Variants in RBBP4 observed in about 807,000 individuals in gnomAD.
The protein encoded by RBBP4 is RB binding protein 4, chromatin remodeling factor.
RBBP4 carries 3 observed loss-of-function variants against 57.2 expected under a neutral mutation model. That is an observed-to-expected ratio of 0.05 (90% CI 0.02 to 0.14). The LOEUF is 0.14. Among genes scored for constraint, RBBP4 ranks in the 10% least tolerant of loss-of-function variants. The pLI, the probability that RBBP4 is intolerant of heterozygous loss-of-function variation, is 1.00. For synonymous variants in RBBP4, 151 were observed against 171.5 expected (o/e 0.88, Z 0.93); for missense variants, 107 against 520.6 (o/e 0.21, Z 7.73).
chr1:32,659,833 T>A (rs1472078664), intron 3 of RBBP4, among the ~76,000 whole-genome samples: 1 of 152,212 alleles, frequency 6.6e-6, no homozygotes, highest in South Asian at 2.1e-4. Context: ...AACTATTCCT[T>A]ACTGATAGAC....
At chr1:32,672,598 A>C in intron 9 of RBBP4, 44 bp from the exon 10 acceptor site, 1 of 1,603,822 alleles carries the variant, frequency 6.2e-7, no homozygotes. Flanking sequence ...GTAGTTACTA[A>C]GGGTAAATCT....
rs1040717572 is a variant in RBBP4, at chr1:32,680,341, T to G, written c.*636T>G. On this transcript the variant is annotated 3_prime_UTR_variant, in exon 12 of 12. Coordinates refer to ENST00000373493, the MANE Select transcript of RBBP4 (RefSeq NM_005610.3). ...TATTTCCTGTCTGTGAAATGGTGTTTTTTTTTTTGTTGTTGGTTTTTTTTT... is the reference window on the plus strand; with the variant it reads ...TATTTCCTGTCTGTGAAATGGTGTTGTTTTTTTTGTTGTTGGTTTTTTTTT... The G allele has an allele frequency of 5.7e-6, 7 of 1,223,206 alleles. No homozygotes were observed. In the South Asian group the frequency reaches 1.6e-4, roughly 27 times the overall value. The allele number at this position is 1,223,206 out of a possible 1,614,324, so 75.8% of individuals were successfully genotyped here.
Position 32,681,940 on chromosome 1 carries a change from T to TA in RBBP4, c.*2236dup. 2 of 1,298,328 alleles carry TA rather than the reference T, an allele frequency of 1.5e-6. No homozygotes were observed. The highest frequency in any genetic ancestry group is 2.3e-5 in the East Asian group (1 of 43,292). 80.4% of individuals were successfully genotyped at this position (1,298,328 alleles called of 1,614,324 possible). A position where few individuals can be genotyped will look rare whatever the true frequency, so the allele number is the denominator to read the frequency against. On this transcript the variant is annotated 3_prime_UTR_variant, in exon 12 of 12. Coordinates refer to ENST00000373493, the MANE Select transcript of RBBP4 (RefSeq NM_005610.3). ...GCAGGCTTTGTTGAGAAGAGATTGTTACAGTGTGATTTATGGATGATCAGG... is the reference window on the plus strand; with the variant it reads ...GCAGGCTTTGTTGAGAAGAGATTGTTAACAGTGTGATTTATGGATGATCAGG...
chr1:32,666,761 T>C (rs1316942272), intron 3 of RBBP4, among the ~76,000 whole-genome samples: 2 of 151,884 alleles, frequency 1.3e-5, no homozygotes, highest in African/African-American at 2.4e-5. Flanking sequence ...ATAAAGAAAA[T>C]AGTTAGAATA....
chr1:32,668,310 T>C lies in RBBP4; in HGVS notation c.396T>C (p.Tyr132=), dbSNP rs902444962. The C allele has an allele frequency of 1.2e-5, 19 of 1,609,980 alleles. No individual in the cohort carries two copies. Among genetic ancestry groups the C allele is most frequent in the African/African-American group, 6.7e-5 (5 of 74,828 alleles). ...NHEGEVNRAR[Y]MPQNPCIIAT... ...AAGGAGAAGTAAACAGGGCCCGTTATATGCCCCAGAACCCTTGTATCATCG... is the reference window on the plus strand; with the variant it reads ...AAGGAGAAGTAAACAGGGCCCGTTACATGCCCCAGAACCCTTGTATCATCG... The change falls in exon 4 of 12, where the codon TAT becomes TAC. Residue 132 remains tyrosine, a synonymous_variant. Transcript: ENST00000373493.
chr1:32,657,147 G>C (rs1399128925), intron 2 of RBBP4, among the ~76,000 whole-genome samples: 1 of 152,038 alleles, frequency 6.6e-6, no homozygotes, highest in Non-Finnish European at 1.5e-5. Context: ...ATGGTGGCAG[G>C]TTCTTGTAGT....
chr1:32,659,029 TATAA>T (rs1429015064), intron 3 of RBBP4, among the ~76,000 whole-genome samples: 8 of 147,406 alleles, frequency 5.4e-5, no homozygotes, highest in Non-Finnish European at 1.0e-4. Context: ...TTTTAGATAA[TATAA>T]ATGTATTATA....
At chr1:32,659,962 G>A (rs1648328522) in intron 3 of RBBP4, among the ~76,000 whole-genome samples, 1 of 152,162 alleles carries the variant, frequency 6.6e-6, no homozygotes, top group South Asian at 2.1e-4. Context: ...ATACTGCTAA[G>A]TTGCACTCCA....
intron 11 of RBBP4, among the ~76,000 whole-genome samples, chr1:32,675,256 G>A (rs191971243): frequency 1.2e-3 from 174 of 150,368 alleles, no homozygotes; most frequent in Non-Finnish European, 2.3e-3. Context: ...GGCTGGCCTC[G>A]AACTCCTGAC....
chr1:32,652,117 A>G lies in RBBP4; in HGVS notation c.164+56A>G, dbSNP rs1570821459. On this transcript the variant is annotated intron_variant, in intron 2 of 11. Coordinates refer to ENST00000373493, the MANE Select transcript of RBBP4 (RefSeq NM_005610.3). ...TGTATTTTCAGTGTAGATTTCTCAT[A>G]TTGATTTTCTTTTTTCCGCTCTTCA... 11 of 1,538,426 alleles carry G rather than the reference A, an allele frequency of 7.2e-6. No homozygotes were observed. In the East Asian group the frequency reaches 2.5e-4, roughly 35 times the overall value.
chr1:32,675,785 ATAAATT>A (rs1390829906), intron 11 of RBBP4, among the ~76,000 whole-genome samples: 2 of 151,914 alleles, frequency 1.3e-5, no homozygotes, highest in African/African-American at 4.8e-5. Context: ...AATAATAAAA[ATAAATT>A]TAAAAAGTAT....
At chr1:32,658,595 G>C (rs1441175629) in intron 3 of RBBP4, among the ~76,000 whole-genome samples, 1 of 146,128 alleles carries the variant, frequency 6.8e-6, no homozygotes, top group East Asian at 2.0e-4. Flanking sequence ...TGCCCAGGCT[G>C]GAGTGCAGTG....
Position 32,685,018 on chromosome 1 carries a change from CTTCT to C in RBBP4, c.*5316_*5319del, listed in dbSNP as rs1440125069. On this transcript the variant is annotated 3_prime_UTR_variant, in exon 12 of 12. Coordinates refer to ENST00000373493, the MANE Select transcript of RBBP4 (RefSeq NM_005610.3). ...TTGCTAATTTCCTGCATCCTTTTTT[CTTCT>C]TTATTTTTGTATAGAGACAGGGTCT... The C allele has an allele frequency of 6.6e-6, 1 of 151,956 alleles. No individual in the cohort carries two copies. The highest frequency in any genetic ancestry group is 1.9e-4 in the East Asian group (1 of 5,190). The allele number at this position is 151,956 out of a possible 1,614,324, so 9.4% of individuals were successfully genotyped here.
chr1:32,679,449 T>C lies in RBBP4; in HGVS notation c.1213-191T>C, dbSNP rs1649282362. 2.0e-5 allele frequency among the ~76,000 whole-genome samples: 3 copies of C among 152,198 alleles called. No homozygotes were observed. In the South Asian group the frequency reaches 6.2e-4, roughly 31 times the overall value. On this transcript the variant is annotated intron_variant, in intron 11 of 11. Transcript: ENST00000373493. ...TTTATTGGAACATGATCATGCTAAT[T>C]AATATTTCATTACCCATTATAGGTT...
rs971674893 is a variant in RBBP4 at position 32,677,424 on chromosome 1, G to A, written c.1213-2216G>A. On this transcript the variant is annotated intron_variant, in intron 11 of 11. Transcript: ENST00000373493. Reference sequence around the variant, plus strand: ...AAACTCTGCAGCCCCTCCCCACCTTGCCGTATGCATCTCTTCCATGTGGTT... The same window carrying A: ...AAACTCTGCAGCCCCTCCCCACCTTACCGTATGCATCTCTTCCATGTGGTT... Among the ~76,000 whole-genome samples, 46 of 151,406 alleles carry A rather than the reference G, an allele frequency of 3.0e-4. 1 individual carries two copies. The highest frequency in any genetic ancestry group is 5.9e-4 in the Admixed American group (9 of 15,134).
rs1427466180 is a variant in RBBP4 at position 32,669,965 on chromosome 1, A to C, written c.966+402A>C. Among the ~76,000 whole-genome samples the C allele has an allele frequency of 2.8e-4, 43 of 152,200 alleles. No individual in the cohort carries two copies. Among genetic ancestry groups the C allele is most frequent in the Admixed American group, 2.8e-3 (43 of 15,276 alleles). ...GCTTTATGCCGTTGCTAAAAATAGA[A>C]ATCTATATGCCTATGCTACTTTCTG... On this transcript the variant is annotated intron_variant, in intron 8 of 11. Coordinates refer to ENST00000373493, the MANE Select transcript of RBBP4 (RefSeq NM_005610.3). This position sits in a 1 kb window ranked among gnomAD's most constrained non-coding sequence, Gnocchi z 4.9.
chr1:32,652,513 A>G (rs1468533074), intron 2 of RBBP4: 1 of 161,688 alleles, frequency 6.2e-6, no homozygotes, highest in Non-Finnish European at 1.4e-5. Flanking sequence ...AAAAAGTATT[A>G]CAATGAGTCT....
rs1242190028 is a variant in RBBP4, at chr1:32,680,659, T to C, written c.*954T>C. The C allele has an allele frequency of 1.1e-5, 11 of 984,858 alleles. No homozygotes were observed. Among genetic ancestry groups the C allele is most frequent in the Non-Finnish European group, 1.7e-5 (11 of 657,730 alleles). 61.0% of individuals were successfully genotyped at this position (984,858 alleles called of 1,614,324 possible). A position where few individuals can be genotyped will look rare whatever the true frequency, so the allele number is the denominator to read the frequency against. ...TAAATTGCTTTTCTACATAACCCCA[T>C]GCTGATGGGTTTTATTTAGTATAAA... On this transcript the variant is annotated 3_prime_UTR_variant, in exon 12 of 12. Coordinates refer to ENST00000373493, the MANE Select transcript of RBBP4 (RefSeq NM_005610.3).
chr1:32,658,467 G>A (rs557943504), intron 3 of RBBP4, among the ~76,000 whole-genome samples: 1 of 151,490 alleles, frequency 6.6e-6, no homozygotes, highest in South Asian at 2.1e-4. Flanking sequence ...TAGAAACTAA[G>A]TTCCAATGAG....
Sources: allele counts gnomAD v4.1 joint callset (sites outside exome capture counted in the v4.1 genomes callset), GRCh38; gene constraint gnomAD v4.1.1; non-coding constraint Gnocchi (gnomAD v3.1); transcripts MANE v1.5; gene names NCBI Gene and HGNC (gene_info 2026-07-23, HGNC 2026-07-21).